Variants in GRM8 observed in about 807,000 individuals in gnomAD.
The protein encoded by GRM8 is metabotropic glutamate receptor 8.
Under a neutral mutation model 87.2 loss-of-function variants are expected in GRM8, and 47 were observed. That is an observed-to-expected ratio of 0.54 (90% CI 0.43 to 0.69). The LOEUF is 0.69. Among genes scored for constraint, GRM8 ranks in the 30% least tolerant of loss-of-function variants. The pLI, the probability that GRM8 is intolerant of heterozygous loss-of-function variation, is 0.00. For missense variants in GRM8, 1,019 were observed against 1,139.2 expected (o/e 0.89, Z 1.52); for synonymous variants, 396 against 404.5 (o/e 0.98, Z 0.25).
intron 9 of GRM8, among the ~76,000 whole-genome samples, chr7:126,482,189 TG>T (rs1224343767): frequency 6.6e-6 from 1 of 152,032 alleles, no homozygotes; most frequent in Non-Finnish European, 1.5e-5. Context: ...GGAATCTCTG[TG>T]CCCTGTTTGT....
chr7:126,817,830 T>C (rs1241080018), intron 6 of GRM8, among the ~76,000 whole-genome samples: 5 of 152,166 alleles, frequency 3.3e-5, no homozygotes, highest in Non-Finnish European at 7.4e-5. Context: ...TTTAAAAGGA[T>C]AAAATGAAAA....
intron 2 of GRM8, among the ~76,000 whole-genome samples, chr7:127,182,965 G>A (rs1355481284): frequency 6.6e-6 from 1 of 151,674 alleles, no homozygotes; most frequent in African/African-American, 2.4e-5. Flanking sequence ...TCGGGTGATG[G>A]ATGAACCAAA....
chr7:126,753,076 T>C (rs925109766), intron 7 of GRM8, among the ~76,000 whole-genome samples: 1 of 151,996 alleles, frequency 6.6e-6, no homozygotes. Context: ...GCAATTTTAA[T>C]TGGCTATCGT....
At chr7:126,765,397 T>C (rs1011951976) in intron 7 of GRM8, among the ~76,000 whole-genome samples, 2 of 152,104 alleles carry the variant, frequency 1.3e-5, no homozygotes, top group Non-Finnish European at 2.9e-5. Context: ...CAAGTTTTAG[T>C]TGGTTTCTCA....
At chr7:126,984,683 C>A (rs983642894) in intron 3 of GRM8, among the ~76,000 whole-genome samples, 1 of 152,026 alleles carries the variant, frequency 6.6e-6, no homozygotes, top group African/African-American at 2.4e-5. Context: ...TAAATATGTC[C>A]TATTAGTTCT....
At chr7:126,589,175 T>C (rs572482911) in intron 8 of GRM8, among the ~76,000 whole-genome samples, 313 of 152,166 alleles carry the variant, frequency 2.1e-3, no homozygotes, top group Middle Eastern at 0.01. Context: ...CAAGGAGGTA[T>C]GAAACCTGAA....
intron 3 of GRM8, among the ~76,000 whole-genome samples, chr7:127,089,453 A>G (rs1393918437): frequency 6.6e-6 from 1 of 152,232 alleles, no homozygotes; most frequent in Non-Finnish European, 1.5e-5. Context: ...GGAAATGAAT[A>G]CAGTTACTAA....
chr7:127,033,552 A>C (rs1817583620), intron 3 of GRM8, among the ~76,000 whole-genome samples: 1 of 152,178 alleles, frequency 6.6e-6, no homozygotes, highest in Admixed American at 6.6e-5. Flanking sequence ...AGAAAACTGA[A>C]GATTTAAAAG....
At chr7:127,002,609 G>A (rs1813842492) in intron 3 of GRM8, among the ~76,000 whole-genome samples, 1 of 151,560 alleles carries the variant, frequency 6.6e-6, no homozygotes, top group African/African-American at 2.4e-5. Flanking sequence ...ACTTTATCTG[G>A]GAGTGATAAT....
intron 2 of GRM8, chr7:127,228,642 G>C (rs1485815466): frequency 6.6e-6 from 1 of 151,900 alleles, no homozygotes; most frequent in East Asian, 1.9e-4. Context: ...GGCATTTGGA[G>C]AATTAGGAAA....
At chr7:126,683,227 A>T (rs1807808235) in intron 7 of GRM8, among the ~76,000 whole-genome samples, 1 of 152,128 alleles carries the variant, frequency 6.6e-6, no homozygotes, top group Non-Finnish European at 1.5e-5. Flanking sequence ...ACCCTAACAT[A>T]ATTGAATTAT....
intron 6 of GRM8, among the ~76,000 whole-genome samples, chr7:126,890,175 C>T (rs1800860006): frequency 6.6e-6 from 1 of 152,074 alleles, no homozygotes; most frequent in African/African-American, 2.4e-5. Flanking sequence ...TTAAACAATG[C>T]AGATATGGAA....
At chr7:126,809,539 T>C (rs752028949) in intron 6 of GRM8, among the ~76,000 whole-genome samples, 34 of 152,310 alleles carry the variant, frequency 2.2e-4, no homozygotes, top group South Asian at 8.3e-4. Flanking sequence ...TCCCATACTC[T>C]ACACTAGCCT....
At chr7:127,025,724 G>A (rs531668299) in intron 3 of GRM8, among the ~76,000 whole-genome samples, 3 of 152,066 alleles carry the variant, frequency 2.0e-5, no homozygotes, top group East Asian at 3.9e-4. Context: ...GGGAGCTGGC[G>A]AAAAGCAGAC....
chr7:126,669,669 G>C (rs762545693), intron 7 of GRM8, among the ~76,000 whole-genome samples: 2 of 152,218 alleles, frequency 1.3e-5, no homozygotes, highest in Non-Finnish European at 2.9e-5. Context: ...CTTGGTTGCA[G>C]TTAGCACACA....
intron 6 of GRM8, among the ~76,000 whole-genome samples, chr7:126,856,686 G>T (rs902462623): frequency 5.9e-5 from 9 of 152,148 alleles, no homozygotes; most frequent in African/African-American, 2.2e-4. Flanking sequence ...TTGGAAATGG[G>T]AGCAAATATA....
At chr7:127,163,105 G>A (rs944002431) in intron 2 of GRM8, among the ~76,000 whole-genome samples, 1 of 152,098 alleles carries the variant, frequency 6.6e-6, no homozygotes, top group Non-Finnish European at 1.5e-5. Context: ...GGCTGTTCTT[G>A]TATTGCTATA....
chr7:126,941,533 TG>T (rs1563337461), intron 3 of GRM8, among the ~76,000 whole-genome samples: 1 of 147,994 alleles, frequency 6.8e-6, no homozygotes, highest in East Asian at 2.0e-4. Flanking sequence ...GGCAGGAGAA[TG>T]GCGTGAACCC....
intron 6 of GRM8, among the ~76,000 whole-genome samples, chr7:126,840,328 T>C (rs1586153516): frequency 6.6e-6 from 1 of 152,216 alleles, no homozygotes; most frequent in African/African-American, 2.4e-5. Context: ...TTAGCTCTAT[T>C]ACCTTTTTAT....
Sources: allele counts gnomAD v4.1 joint callset (sites outside exome capture counted in the v4.1 genomes callset), GRCh38; gene constraint gnomAD v4.1.1; transcripts MANE v1.5; gene names NCBI Gene and HGNC (gene_info 2026-07-23, HGNC 2026-07-21).